The following AFF3 variants were observed in gnomAD, a reference collection of about 807,000 sequenced individuals.
The protein encoded by AFF3 is ALF transcription elongation factor 3.
A neutral mutation model predicts 129.7 loss-of-function variants in AFF3; 32 were observed. The observed-to-expected ratio is 0.25, with a 90% CI of 0.19 to 0.33. The LOEUF (loss-of-function observed/expected upper bound fraction) is 0.33. AFF3 is among the 10% of genes least tolerant of loss of function. The probability of loss-of-function intolerance (pLI) is 1.00; values close to 1 mark genes in which losing one functional copy is unlikely to be tolerated. For missense variants in AFF3, 1,373 were observed against 1,592.0 expected, an observed-to-expected ratio of 0.86 and a Z score of 2.34; for synonymous variants, 644 against 635.4, an observed-to-expected ratio of 1.01 and a Z score of -0.20.
chr2:99,776,027 G>T (rs1683877419), intron 8 of AFF3, among the ~76,000 whole-genome samples: 1 of 152,126 alleles, frequency 6.6e-6, no homozygotes, highest in Admixed American at 6.5e-5. Flanking sequence ...AGCTTCTACA[G>T]TAGAACGATA....
At chr2:99,583,143 G>A in intron 16 of AFF3, 144 bp from the exon 17 acceptor site, 1 of 667,016 alleles carries the variant, frequency 1.5e-6, no homozygotes, top group Admixed American at 2.7e-5. Context: ...ACAAGTTAAT[G>A]GCATTAGGAT....
intron 13 of AFF3, among the ~76,000 whole-genome samples, chr2:99,606,773 A>G (rs1680386757): frequency 6.6e-6 from 1 of 151,928 alleles, no homozygotes; most frequent in Non-Finnish European, 1.5e-5. Flanking sequence ...AGTTAGCCAG[A>G]CATGGTGGCA....
At chr2:99,901,866 C>T (rs1250805147) in intron 7 of AFF3, among the ~76,000 whole-genome samples, 1 of 152,084 alleles carries the variant, frequency 6.6e-6, no homozygotes, top group African/African-American at 2.4e-5. Context: ...GAGCAGAAGG[C>T]CAACTGCTTG....
chr2:99,691,025 T>C (rs989308891), intron 11 of AFF3, among the ~76,000 whole-genome samples: 2 of 152,104 alleles, frequency 1.3e-5, no homozygotes, highest in Non-Finnish European at 2.9e-5. Context: ...CATTTCTCAT[T>C]TGCCCTCATG....
At chr2:100,066,278 A>G (rs1687707740) in intron 4 of AFF3, among the ~76,000 whole-genome samples, 1 of 152,246 alleles carries the variant, frequency 6.6e-6, no homozygotes. Flanking sequence ...CTTCCATATG[A>G]CATTAAGCTA....
chr2:99,741,933 A>G (rs1418831448), intron 10 of AFF3, among the ~76,000 whole-genome samples: 1 of 152,166 alleles, frequency 6.6e-6, no homozygotes, highest in African/African-American at 2.4e-5. Flanking sequence ...CAAAAACAGC[A>G]AGGGAAATGC....
intron 12 of AFF3, among the ~76,000 whole-genome samples, chr2:99,666,919 T>C (rs1264361979): frequency 2.0e-5 from 3 of 151,998 alleles, no homozygotes; most frequent in African/African-American, 4.8e-5. Context: ...CCCGATTGAA[T>C]AGAAAGAAGA....
At chr2:99,893,360 G>C (rs1393374307) in intron 7 of AFF3, among the ~76,000 whole-genome samples, 2 of 152,206 alleles carry the variant, frequency 1.3e-5, no homozygotes, top group East Asian at 3.8e-4. Context: ...TCTCTATTTA[G>C]ACAGCACTGT....
At chr2:99,873,728 GTTTT>G (rs112561437) in intron 7 of AFF3, among the ~76,000 whole-genome samples, 1 of 138,824 alleles carries the variant, frequency 7.2e-6, no homozygotes, top group African/African-American at 2.6e-5. Flanking sequence ...CATCTTAGTG[GTTTT>G]TTTTTTTTTT....
intron 7 of AFF3, among the ~76,000 whole-genome samples, chr2:99,899,586 T>C (rs1405320432): frequency 6.6e-6 from 1 of 152,220 alleles, no homozygotes; most frequent in Non-Finnish European, 1.5e-5. Context: ...GAAAGAAGTA[T>C]TGCTGACATA....
intron 20 of AFF3, among the ~76,000 whole-genome samples, chr2:99,563,284 A>G (rs66829206): frequency 0.48 from 71,680 of 150,600 alleles, 20,136 homozygotes; most frequent in African/African-American, 0.79. Context: ...TCCGCCTTCC[A>G]GGTTCACGCC....
intron 4 of AFF3, among the ~76,000 whole-genome samples, chr2:100,075,341 G>A (rs893272602): frequency 4.6e-5 from 7 of 152,064 alleles, no homozygotes; most frequent in Admixed American, 1.3e-4. Flanking sequence ...ACCACAGCTC[G>A]TGTTTGGGGC....
chr2:99,819,366 C>T (rs1027937034), intron 8 of AFF3, among the ~76,000 whole-genome samples: 2 of 152,194 alleles, frequency 1.3e-5, no homozygotes, highest in African/African-American at 4.8e-5. Context: ...TAAATACAAT[C>T]TCACAAATAT....
At chr2:99,730,680 A>G (rs1329053953) in intron 10 of AFF3, among the ~76,000 whole-genome samples, 1 of 151,746 alleles carries the variant, frequency 6.6e-6, no homozygotes, top group Non-Finnish European at 1.5e-5. Flanking sequence ...ATGCCCGGCT[A>G]ATGTTTTTAT....
chr2:100,123,336 T>G (rs1692057160), intron 2 of AFF3, among the ~76,000 whole-genome samples: 2 of 152,230 alleles, frequency 1.3e-5, no homozygotes. Flanking sequence ...GAACAAACAA[T>G]GTCTTGTTAC....
At chr2:99,995,741 AAGAG>A (rs1178469010) in intron 7 of AFF3, among the ~76,000 whole-genome samples, 1 of 152,166 alleles carries the variant, frequency 6.6e-6, no homozygotes, top group Non-Finnish European at 1.5e-5. Flanking sequence ...CTAACAAAGG[AAGAG>A]AGAGAGATAC....
intron 12 of AFF3, among the ~76,000 whole-genome samples, chr2:99,666,124 A>G (rs1416493095): frequency 6.6e-6 from 1 of 152,172 alleles, no homozygotes; most frequent in African/African-American, 2.4e-5. Flanking sequence ...AGTGGTGCAG[A>G]TGTGGTATTG....
intron 14 of AFF3, among the ~76,000 whole-genome samples, chr2:99,599,880 C>G (rs757983276): frequency 9.9e-5 from 15 of 152,050 alleles, no homozygotes; most frequent in African/African-American, 3.6e-4. Context: ...TTTGAATTAT[C>G]CCCATTAGAA....
At chr2:99,763,977 T>C (rs949309800) in intron 8 of AFF3, among the ~76,000 whole-genome samples, 1 of 152,222 alleles carries the variant, frequency 6.6e-6, no homozygotes. Flanking sequence ...TGCCCCTGCC[T>C]GCGATGAGGT....
Sources: allele counts gnomAD v4.1 joint callset (sites outside exome capture counted in the v4.1 genomes callset), GRCh38; gene constraint gnomAD v4.1.1; transcripts MANE v1.5; gene names NCBI Gene and HGNC (gene_info 2026-07-23, HGNC 2026-07-21).